The following C10orf53 variants were observed in gnomAD, a reference collection of about 807,000 sequenced individuals.
C10orf53 encodes chromosome 10 open reading frame 53, also known as UPF0728 protein C10orf53.
Under a neutral mutation model 9.4 loss-of-function variants are expected in C10orf53, and 8 were observed. That is an observed-to-expected ratio of 0.85 (90% CI 0.50 to 1.53). The LOEUF is 1.53. Ranked by LOEUF, C10orf53 falls within the 40% of genes most tolerant of loss-of-function variation. C10orf53 has a pLI of 0.00. For missense variants in C10orf53, 117 were observed against 117.8 expected (o/e 0.99, Z 0.03); for synonymous variants, 48 against 46.0 (o/e 1.04, Z -0.18).
At chr10:49,683,118 T>C (rs1840495668) in intron 1 of C10orf53, among the ~76,000 whole-genome samples, 1 of 152,250 alleles carries the variant, frequency 6.6e-6, no homozygotes, top group Admixed American at 6.5e-5. Context: ...ATTTAACTTT[T>C]TGAGGAATGA....
rs1444134428 is a variant in C10orf53, at chr10:49,696,540, T to C, written c.*1938T>C. Among the ~76,000 whole-genome samples the C allele has an allele frequency of 6.6e-6, 1 of 152,084 alleles. No individual in the cohort carries two copies. The highest frequency in any genetic ancestry group is 1.5e-5 in the Non-Finnish European group (1 of 68,014). On this transcript the variant is annotated 3_prime_UTR_variant, in exon 3 of 3. Coordinates refer to ENST00000374111, the MANE Select transcript of C10orf53 (RefSeq NM_001042427.3). ...GCAGGTTGTATTTGTGCCTTCAGAG[T>C]AGCACTACAAGTGAAGAAGACCTGC...
chr10:49,685,984 G>T (rs901173582), intron 1 of C10orf53, among the ~76,000 whole-genome samples: 36 of 152,076 alleles, frequency 2.4e-4, no homozygotes, highest in African/African-American at 8.4e-4. Flanking sequence ...ATACTTGAGG[G>T]CATCCCACAG....
At chr10:49,679,826 G>T (rs767354624) in intron 1 of C10orf53, 32 bp downstream of exon 1, 3 of 1,509,108 alleles carry the variant, frequency 2.0e-6, no homozygotes, top group Non-Finnish European at 8.8e-7. Flanking sequence ...GCCCCTGAGG[G>T]CCCCAGCCTC....
In C10orf53 at chr10:49,696,517, A is replaced by G. The variant is rs1840636221; in HGVS notation, c.*1915A>G. ...CCTCCAGCATCCGCCTCAACCCCGCAGGTTGTATTTGTGCCTTCAGAGTAG... is the reference window on the plus strand; with the variant it reads ...CCTCCAGCATCCGCCTCAACCCCGCGGGTTGTATTTGTGCCTTCAGAGTAG... On this transcript the variant is annotated 3_prime_UTR_variant, in exon 3 of 3. Coordinates refer to ENST00000374111, the MANE Select transcript of C10orf53 (RefSeq NM_001042427.3). 6.6e-6 allele frequency among the ~76,000 whole-genome samples: 1 copy of G among 152,122 alleles called. No individual in the cohort carries two copies. Among genetic ancestry groups the G allele is most frequent in the Admixed American group, 6.5e-5 (1 of 15,270 alleles).
In C10orf53 at chr10:49,694,618, G is replaced by A; in HGVS notation, c.*16G>A. 6.2e-7 allele frequency: 1 copy of A among 1,614,184 alleles called. No individual in the cohort carries two copies. Among genetic ancestry groups the A allele is most frequent in the East Asian group, 2.2e-5 (1 of 44,888 alleles). On this transcript the variant is annotated 3_prime_UTR_variant, in exon 3 of 3. Transcript: ENST00000374111. ...TGCCTACTGATCTCCTCATGGAACA[G>A]GCATCTCAAGTCGGCACAACAGCAG...
At chr10:49,691,314 T>C (rs867299694) in intron 1 of C10orf53, among the ~76,000 whole-genome samples, 4 of 152,338 alleles carry the variant, frequency 2.6e-5, no homozygotes, top group Non-Finnish European at 5.9e-5. Flanking sequence ...GGCTGAATAT[T>C]CAATGTAGAC....
At chr10:49,686,177 A>G (rs1840526542) in intron 1 of C10orf53, among the ~76,000 whole-genome samples, 1 of 152,114 alleles carries the variant, frequency 6.6e-6, no homozygotes. Flanking sequence ...AATTTCTTAC[A>G]CCTGTCTTTA....
chr10:49,683,467 T>C (rs1252484966), intron 1 of C10orf53, among the ~76,000 whole-genome samples: 1 of 152,260 alleles, frequency 6.6e-6, no homozygotes, highest in Non-Finnish European at 1.5e-5. Flanking sequence ...TCTCCCACTC[T>C]GTAAATTATC....
At chr10:49,685,321 G>C (rs1840518393) in intron 1 of C10orf53, among the ~76,000 whole-genome samples, 1 of 152,094 alleles carries the variant, frequency 6.6e-6, no homozygotes. Context: ...TTGTAAAATA[G>C]GCTTTGTATT....
chr10:49,680,296 G>A (rs1840466989), intron 1 of C10orf53, among the ~76,000 whole-genome samples: 1 of 152,214 alleles, frequency 6.6e-6, no homozygotes, highest in Admixed American at 6.5e-5. Flanking sequence ...CCTAAGCTCT[G>A]ACTGAGGCTA....
intron 1 of C10orf53, among the ~76,000 whole-genome samples, chr10:49,686,760 C>G (rs1428811439): frequency 6.6e-6 from 1 of 152,156 alleles, no homozygotes; most frequent in Non-Finnish European, 1.5e-5. Context: ...GCTCTCGAAC[C>G]CTGTTTCCTG....
chr10:49,704,028 G>A (rs1840705582), intron 2 of C10orf53, among the ~76,000 whole-genome samples: 1 of 152,184 alleles, frequency 6.6e-6, no homozygotes. Context: ...ATTCCCGCCT[G>A]TCCTTATCCT....
intron 2 of C10orf53, among the ~76,000 whole-genome samples, chr10:49,702,826 G>A (rs1286442126): frequency 6.6e-6 from 1 of 152,192 alleles, no homozygotes; most frequent in African/African-American, 2.4e-5. Flanking sequence ...CCGCTCCTCA[G>A]TCCCAGAGAC....
rs536642438 is a variant in C10orf53 at position 49,682,633 on chromosome 10, C to T, written c.97+2839C>T. Among the ~76,000 whole-genome samples the T allele has an allele frequency of 2.6e-5, 4 of 152,254 alleles. No individual in the cohort carries two copies. The East Asian group carries it at 7.7e-4, about 29-fold the overall frequency. ...GCTTTTATTCCCTTAGTTGGTCCCGCCCATGTCCTGCTGATTGGTCCATTT... is the reference window on the plus strand; with the variant it reads ...GCTTTTATTCCCTTAGTTGGTCCCGTCCATGTCCTGCTGATTGGTCCATTT... On this transcript the variant is annotated intron_variant, in intron 1 of 2. Coordinates refer to ENST00000374111, the MANE Select transcript of C10orf53 (RefSeq NM_001042427.3).
In C10orf53 at chr10:49,693,806, C is replaced by T. The variant is rs775376184; in HGVS notation, c.130C>T (p.Leu44=). The T allele has an allele frequency of 5.0e-6, 8 of 1,613,676 alleles. No individual in the cohort carries two copies. Among genetic ancestry groups the T allele is most frequent in the Non-Finnish European group, 4.2e-6 (5 of 1,179,716 alleles). The stretch of plus-strand genomic sequence containing the variant: ...GGCCATAGATGGACATGAGGTCATC[C>T]TAGAGAAGATAGAAGACTGGAATGT... ...VLAIDGHEVI[L]EKIEDWNVVE... is the part of the protein sequence containing the mutation. Residue 44 remains leucine (L), a synonymous_variant, in exon 2 of 3, where the codon CTA becomes TTA. Coordinates refer to ENST00000374111, the MANE Select transcript of C10orf53 (RefSeq NM_001042427.3).
downstream of C10orf53, among the ~76,000 whole-genome samples, chr10:49,698,610 C>G (rs1331404857): frequency 6.6e-6 from 1 of 152,114 alleles, no homozygotes; most frequent in Non-Finnish European, 1.5e-5. Flanking sequence ...CAGCTGTTGG[C>G]CAAATCCAGG....
downstream of C10orf53, among the ~76,000 whole-genome samples, chr10:49,699,900 C>CAT (rs966438534): frequency 1.3e-5 from 2 of 151,646 alleles, no homozygotes; most frequent in African/African-American, 4.8e-5. Flanking sequence ...CTCATCCCCC[C>CAT]CGAGATCAGG....
At chr10:49,688,550 G>A (rs1469762571) in intron 1 of C10orf53, among the ~76,000 whole-genome samples, 1 of 151,792 alleles carries the variant, frequency 6.6e-6, no homozygotes, top group East Asian at 1.9e-4. Flanking sequence ...ACATTCCAGG[G>A]GCCCCCAGCT....
rs150659117 is a variant in C10orf53, at chr10:49,696,252, G to A, written c.*1650G>A. ...AACATTTTACATAGAGCCTCTTCCC[G>A]CATGATTTGTTGACTGTCTGAGCAT... On this transcript the variant is annotated 3_prime_UTR_variant, in exon 3 of 3. Coordinates refer to ENST00000374111, the MANE Select transcript of C10orf53 (RefSeq NM_001042427.3). Among the ~76,000 whole-genome samples the A allele has an allele frequency of 1.3e-4, 20 of 152,196 alleles. No homozygotes were observed. In the East Asian group the frequency reaches 3.5e-3, roughly 26 times the overall value.
Sources: allele counts gnomAD v4.1 joint callset (sites outside exome capture counted in the v4.1 genomes callset), GRCh38; gene constraint gnomAD v4.1.1; transcripts MANE v1.5; gene names NCBI Gene and HGNC (gene_info 2026-07-23, HGNC 2026-07-21).